The following AOAH variants were observed in gnomAD, a reference collection of about 807,000 sequenced individuals.
AOAH encodes the protein acyloxyacyl hydrolase (neutrophil).
AOAH carries 64 observed loss-of-function variants against 92.2 expected under a neutral mutation model. The observed-to-expected ratio is 0.69, with a 90% CI of 0.57 to 0.86. The LOEUF (loss-of-function observed/expected upper bound fraction) is 0.86, where lower values mean the gene tolerates loss of function less well. Ranked by LOEUF, AOAH falls within the 40% of genes least tolerant of loss-of-function variation. The pLI is 0.00. For synonymous variants in AOAH, 263 were observed against 254.5 expected (o/e 1.03, Z -0.32); for missense variants, 656 against 694.6 (o/e 0.94, Z 0.62).
chr7:36,719,449 G>C (rs1448374698), intron 1 of AOAH, among the ~76,000 whole-genome samples: 1 of 152,162 alleles, frequency 6.6e-6, no homozygotes, highest in Non-Finnish European at 1.5e-5. Context: ...TCATAAAAAT[G>C]GATGAAACCC....
At chr7:36,655,221 C>T (rs995326631) in intron 4 of AOAH, among the ~76,000 whole-genome samples, 4 of 152,178 alleles carry the variant, frequency 2.6e-5, no homozygotes, top group Non-Finnish European at 5.9e-5. Context: ...GACAACAATA[C>T]CTATTCCATA....
At chr7:36,704,419 C>G (rs1441260150) in intron 1 of AOAH, among the ~76,000 whole-genome samples, 4 of 152,146 alleles carry the variant, frequency 2.6e-5, no homozygotes, top group Non-Finnish European at 5.9e-5. Flanking sequence ...TTGACACATA[C>G]ACCCTCCCAA....
At chr7:36,715,182 T>C (rs926057782) in intron 1 of AOAH, among the ~76,000 whole-genome samples, 3 of 151,708 alleles carry the variant, frequency 2.0e-5, no homozygotes, top group African/African-American at 7.3e-5. Flanking sequence ...TATACACCAA[T>C]AACAGACAGA....
chr7:36,665,749 A>T (rs972132703), intron 3 of AOAH, among the ~76,000 whole-genome samples: 3 of 146,560 alleles, frequency 2.0e-5, no homozygotes, highest in African/African-American at 8.3e-5. Flanking sequence ...AGTTTTTTTT[A>T]AATCACAAAT....
chr7:36,610,843 G>A (rs947411072), intron 11 of AOAH, among the ~76,000 whole-genome samples: 1 of 152,080 alleles, frequency 6.6e-6, no homozygotes, highest in African/African-American at 2.4e-5. Context: ...ACAAGAAGAC[G>A]CTCTGGATAG....
intron 5 of AOAH, among the ~76,000 whole-genome samples, chr7:36,635,784 A>G (rs182603032): frequency 9.8e-5 from 15 of 152,306 alleles, no homozygotes; most frequent in Admixed American, 9.8e-4. Flanking sequence ...CCTACTAGCT[A>G]TGTGGGGTGA....
intron 2 of AOAH, among the ~76,000 whole-genome samples, chr7:36,676,799 C>T (rs1038868238): frequency 6.6e-6 from 1 of 152,138 alleles, no homozygotes; most frequent in Non-Finnish European, 1.5e-5. Flanking sequence ...GAAACAAACC[C>T]TAACATTTAG....
At chr7:36,680,694 T>G (rs923329854) in intron 2 of AOAH, among the ~76,000 whole-genome samples, 1 of 152,224 alleles carries the variant, frequency 6.6e-6, no homozygotes, top group Non-Finnish European at 1.5e-5. Flanking sequence ...GCCCATGGTG[T>G]CCTTTAACCT....
At chr7:36,712,278 G>A (rs1414249612) in intron 1 of AOAH, among the ~76,000 whole-genome samples, 1 of 152,076 alleles carries the variant, frequency 6.6e-6, no homozygotes, top group Non-Finnish European at 1.5e-5. Context: ...TGTGGTATGC[G>A]GGTGTGGAGA....
intron 20 of AOAH, among the ~76,000 whole-genome samples, chr7:36,517,931 CCACACACACA>C (rs1379716828): frequency 3.4e-4 from 30 of 87,770 alleles, no homozygotes; most frequent in African/African-American, 1.2e-3. Context: ...ACACACACAC[CCACACACACA>C]CACCCACACA....
chr7:36,557,457 T>C (rs1413286128), intron 13 of AOAH, among the ~76,000 whole-genome samples: 1 of 152,030 alleles, frequency 6.6e-6, no homozygotes, highest in Non-Finnish European at 1.5e-5. Flanking sequence ...CTGACAATTA[T>C]GTGTCTTGGA....
At chr7:36,601,634 T>C (rs750718628) in intron 11 of AOAH, among the ~76,000 whole-genome samples, 11 of 152,248 alleles carry the variant, frequency 7.2e-5, no homozygotes, top group Non-Finnish European at 1.3e-4. Context: ...AGATAATCTA[T>C]GCATGACGTT....
intron 11 of AOAH, among the ~76,000 whole-genome samples, chr7:36,610,103 GTTTTTTTC>G (rs1271169377): frequency 7.2e-5 from 8 of 111,460 alleles, no homozygotes; most frequent in South Asian, 2.9e-4. Flanking sequence ...AAATTGGAAG[GTTTTTTTC>G]TTTTTTTCTT....
chr7:36,513,715 A>T (rs1790175955), intron 20 of AOAH, among the ~76,000 whole-genome samples: 1 of 152,200 alleles, frequency 6.6e-6, no homozygotes, highest in Admixed American at 6.5e-5. Context: ...CTGGCTCCTC[A>T]GTCCTGCAGT....
At chr7:36,713,740 A>G (rs1183114843) in intron 1 of AOAH, among the ~76,000 whole-genome samples, 2 of 152,162 alleles carry the variant, frequency 1.3e-5, no homozygotes, top group African/African-American at 2.4e-5. Context: ...GGTACATAAC[A>G]TAATGAAGGC....
Position 36,603,663 on chromosome 7 carries a change from C to T in AOAH, c.847-9233G>A, listed in dbSNP as rs115491620. Reference sequence around the variant, plus strand: ...AGACAATATGTAAGTGAACGGGCATCGCTGTGTTCCAATGAAACTTAGTTT... The same window carrying T: ...AGACAATATGTAAGTGAACGGGCATTGCTGTGTTCCAATGAAACTTAGTTT... On this transcript the variant is annotated intron_variant, in intron 11 of 20. Transcript: ENST00000617537. 4.7e-3 allele frequency among the ~76,000 whole-genome samples: 714 copies of T among 152,278 alleles called. 7 individuals carry two copies. The highest frequency in any genetic ancestry group is 0.016 in the African/African-American group (669 of 41,546).
intron 10 of AOAH, among the ~76,000 whole-genome samples, chr7:36,617,795 A>G (rs929166709): frequency 1.3e-5 from 2 of 152,216 alleles, no homozygotes; most frequent in African/African-American, 4.8e-5. Context: ...GCTTTTGCCC[A>G]GCTATTTTTG....
At chr7:36,671,598 CGTGT>C (rs35106785) in intron 3 of AOAH, among the ~76,000 whole-genome samples, 9,491 of 151,346 alleles carry the variant, frequency 0.063, 629 homozygotes, top group African/African-American at 0.17. Context: ...TGTGCTCATG[CGTGT>C]GTGTGTATGT....
rs140177976 is a variant in AOAH at position 36,548,656 on chromosome 7, G to A, written c.1089C>T (p.Pro363=). The A allele has an allele frequency of 3.2e-4, 517 of 1,613,646 alleles. 1 individual carries two copies. Among genetic ancestry groups the A allele is most frequent in the African/African-American group, 3.1e-3 (229 of 75,004 alleles). ...SLSRNKVLDY[P]AIVIYAMIGN... ...CAATCATGGCATATATAACGATGGC[G>A]GGATAGTCCAACACCTTGTTTCTAG... The change falls in exon 15 of 21, where the codon CCC becomes CCT. Residue 363 remains proline (P), a synonymous_variant. Transcript: ENST00000617537.
Sources: allele counts gnomAD v4.1 joint callset (sites outside exome capture counted in the v4.1 genomes callset), GRCh38; gene constraint gnomAD v4.1.1; transcripts MANE v1.5; gene names NCBI Gene and HGNC (gene_info 2026-07-23, HGNC 2026-07-21).